The following CAD variants were observed in gnomAD, a reference collection of about 807,000 sequenced individuals.
CAD encodes multifunctional protein CAD.
Under a neutral mutation model 237.2 loss-of-function variants are expected in CAD, and 81 were observed. That is an observed-to-expected ratio of 0.34 (90% CI 0.29 to 0.41). The LOEUF is 0.41. CAD is among the 10% of genes least tolerant of loss of function. The pLI is 1.00. For synonymous variants in CAD, 1,196 were observed against 1,162.8 expected (o/e 1.03, Z -0.58); for missense variants, 2,181 against 2,951.7 (o/e 0.74, Z 6.05).
At position 27,236,764 on chromosome 2, in the gene CAD, G is replaced by A. The variant is rs753568935; in HGVS notation, c.4330G>A (p.Gly1444Arg). Residue 1444 changes from glycine to arginine, a missense_variant, in exon 27 of 44, where the codon GGG (glycine) becomes AGG (arginine). Around this residue, in one of 12 missense-constraint regions of CAD, gnomAD observed 306 missense variants for 607.9 expected, o/e 0.50. Transcript: ENST00000264705. This position sits in a 1 kb window ranked among gnomAD's most constrained non-coding sequence, Gnocchi z 4.1. Reference protein sequence around the residue: ...KLFVEALGQIGPAPPLKVHVD... With the variant: ...KLFVEALGQIRPAPPLKVHVD... The stretch of plus-strand genomic sequence containing the variant: ...CCACTTGCAGGCCCTAGGCCAGATC[G>A]GGCCAGCCCCTCCTTTGAAGGTGCA... 1.2e-6 allele frequency: 2 copies of A among 1,614,120 alleles called. No individual in the cohort carries two copies. Among genetic ancestry groups the A allele is most frequent in the Non-Finnish European group, 1.7e-6 (2 of 1,180,024 alleles).
In CAD at chr2:27,242,690, G is replaced by A; in HGVS notation, c.6293G>A (p.Arg2098His). ...CTGGCCTGCCTGCTCACCCAGTATC[G>A]TGTCAGCCTGCGCTACGTGGCACCT... Reference protein sequence around the residue: ...HSLACLLTQYRVSLRYVAPPS... With the variant: ...HSLACLLTQYHVSLRYVAPPS... Residue 2098 changes from arginine to histidine, a missense_variant, in exon 41 of 44, where the codon CGT becomes CAT. Arg to His is a conservative substitution (Grantham distance 29). This residue lies in a region of CAD where 170 missense variants were observed against 212.1 expected (regional missense o/e 0.80). Transcript: ENST00000264705. This position sits in a 1 kb window ranked among gnomAD's most constrained non-coding sequence, Gnocchi z 6.4. 7 of 1,614,066 alleles carry A rather than the reference G, an allele frequency of 4.3e-6. No homozygotes were observed. The highest frequency in any genetic ancestry group is 5.9e-6 in the Non-Finnish European group (7 of 1,179,946).
Position 27,239,745 on chromosome 2 carries a change from G to C in CAD, c.5443G>C (p.Gly1815Arg). 6.3e-7 allele frequency: 1 copy of C among 1,591,910 alleles called. No individual in the cohort carries two copies. The highest frequency in any genetic ancestry group is 8.6e-7 in the Non-Finnish European group (1 of 1,168,660). The change falls in exon 34 of 44, where the codon GGG becomes CGG. Residue 1815 changes from glycine (G) to arginine (R), a missense_variant. Coordinates refer to ENST00000264705, the MANE Select transcript of CAD (RefSeq NM_004341.5). The surrounding 1 kb of genome is among the most constrained non-coding windows in gnomAD (Gnocchi z 4.0). ...ACAGGATGTACGGAAGTGGCCACAGGGGGCTGTTCCTCAGCTCCCACCCTC... is the reference window on the plus strand; with the variant it reads ...ACAGGATGTACGGAAGTGGCCACAGCGGGCTGTTCCTCAGCTCCCACCCTC... ...YGQDVRKWPQGAVPQLPPSAP... is the reference protein window; with the variant it reads ...YGQDVRKWPQRAVPQLPPSAP...
Position 27,232,174 on chromosome 2 carries a change from G to A in CAD, c.2595G>A (p.Gln865=). The A allele has an allele frequency of 6.2e-7, 1 of 1,614,242 alleles. No individual in the cohort carries two copies. Among genetic ancestry groups the A allele is most frequent in the Non-Finnish European group, 8.5e-7 (1 of 1,180,050 alleles). The change falls in exon 17 of 44, where the codon CAG becomes CAA. Residue 865 remains glutamine, a synonymous_variant. Transcript: ENST00000264705. This position sits in a 1 kb window ranked among gnomAD's most constrained non-coding sequence, Gnocchi z 4.1. ...CTTTGCCGCCAGACCTGCTGCAACA[G>A]GCCAAGTGTCTTGGCTTCTCAGACA... ...GQPLPPDLLQ[Q]AKCLGFSDKQ... is the part of the protein sequence containing the mutation.
rs754681432 is a variant in CAD, at chr2:27,242,340, T to C, written c.6135T>C (p.Ala2045=). ...ACTGCCGGAGGCCAGTGATCAATGCTGGGGATGGGGTCGGAGAGCACCCCA... is the reference window on the plus strand; with the variant it reads ...ACTGCCGGAGGCCAGTGATCAATGCCGGGGATGGGGTCGGAGAGCACCCCA... ...AKHCRRPVIN[A]GDGVGEHPTQ... The change falls in exon 40 of 44, where the codon GCT becomes GCC. Residue 2045 remains alanine (A), a synonymous_variant. Coordinates refer to ENST00000264705, the MANE Select transcript of CAD (RefSeq NM_004341.5). This position sits in a 1 kb window ranked among gnomAD's most constrained non-coding sequence, Gnocchi z 6.4. 24 of 1,613,898 alleles carry C rather than the reference T, an allele frequency of 1.5e-5. No individual in the cohort carries two copies. The South Asian group carries it at 2.2e-4, about 15-fold the overall frequency.
At position 27,232,896 on chromosome 2, in the gene CAD, C is replaced by T. The variant is rs1427492954; in HGVS notation, c.2893-146C>T. ...CCCAACACTTTGTACCTCCTTCCCT[C>T]CCAAGGCAGGGGTCCTGTACAGCTC... On this transcript the variant is annotated intron_variant, in intron 18 of 43. Coordinates refer to ENST00000264705, the MANE Select transcript of CAD (RefSeq NM_004341.5). This position sits in a 1 kb window ranked among gnomAD's most constrained non-coding sequence, Gnocchi z 4.1. 11 of 785,850 alleles carry T rather than the reference C, an allele frequency of 1.4e-5. No homozygotes were observed. Among genetic ancestry groups the T allele is most frequent in the East Asian group, 2.6e-5 (1 of 38,800 alleles). 48.7% of individuals were successfully genotyped at this position (785,850 alleles called of 1,614,324 possible). A position where few individuals can be genotyped will look rare whatever the true frequency, so the allele number is the denominator to read the frequency against.
chr2:27,223,276 C>A (rs1438161806), intron 6 of CAD, among the ~76,000 whole-genome samples: 1 of 152,086 alleles, frequency 6.6e-6, no homozygotes, highest in East Asian at 1.9e-4. Flanking sequence ...ACTAAAAATA[C>A]AAAAGTTGGC....
Position 27,217,860 on chromosome 2 carries a change from C to G in CAD, c.83-17C>G, listed in dbSNP as rs777472477. Reference sequence around the variant, plus strand: ...AAGGGTGCCCTACCGGAGCCCAGCCCTGCTTCTTTCTTGCAGTGTTTCAAA... The same window carrying G: ...AAGGGTGCCCTACCGGAGCCCAGCCGTGCTTCTTTCTTGCAGTGTTTCAAA... On this transcript the variant is annotated splice_polypyrimidine_tract_variant and intron_variant, in intron 1 of 43. Coordinates refer to ENST00000264705, the MANE Select transcript of CAD (RefSeq NM_004341.5). 1.9e-6 allele frequency: 3 copies of G among 1,586,826 alleles called. No individual in the cohort carries two copies. Among genetic ancestry groups the G allele is most frequent in the Middle Eastern group, 1.7e-4 (1 of 5,928 alleles).
chr2:27,235,755 C>A lies in CAD; in HGVS notation c.4074+115C>A. The stretch of plus-strand genomic sequence containing the variant: ...TGGCATATACCTGTAGTCCCAGATA[C>A]TCAGGAGGCTAAGGCAGGAGAATCT... On this transcript the variant is annotated intron_variant, in intron 25 of 43. Coordinates refer to ENST00000264705, the MANE Select transcript of CAD (RefSeq NM_004341.5). This position sits in a 1 kb window ranked among gnomAD's most constrained non-coding sequence, Gnocchi z 5.2. 1 of 806,804 alleles carries A rather than the reference C, an allele frequency of 1.2e-6. No individual in the cohort carries two copies. The highest frequency in any genetic ancestry group is 2.0e-6 in the Non-Finnish European group (1 of 500,470). 50.0% of individuals were successfully genotyped at this position (806,804 alleles called of 1,614,324 possible). A position where few individuals can be genotyped will look rare whatever the true frequency, so the allele number is the denominator to read the frequency against.
intron 2 of CAD, among the ~76,000 whole-genome samples, chr2:27,220,941 G>A (rs1418197653): frequency 6.6e-6 from 1 of 152,116 alleles, no homozygotes; most frequent in African/African-American, 2.4e-5. Flanking sequence ...CTGGGTGACA[G>A]AGTGAGACTC....
rs1675915006 is a variant in CAD, at chr2:27,234,644, C to T, written c.3745C>T (p.Pro1249Ser). The part of the protein sequence containing the change: ...TRVIMGEEVE[P>S]VGLMTGSGVV... ...GGTCATCATGGGGGAAGAAGTGGAACCTGTGGGGCTAATGACTGGTTCTGG... is the reference window on the plus strand; with the variant it reads ...GGTCATCATGGGGGAAGAAGTGGAATCTGTGGGGCTAATGACTGGTTCTGG... Residue 1249 changes from proline to serine, a missense_variant, in exon 23 of 44, where the codon CCT (proline) becomes TCT (serine). By Grantham distance (74) the Pro-to-Ser change is moderately conservative. Around this residue, in one of 12 missense-constraint regions of CAD, gnomAD observed 306 missense variants for 607.9 expected, o/e 0.50. Coordinates refer to ENST00000264705, the MANE Select transcript of CAD (RefSeq NM_004341.5). 6.2e-7 allele frequency: 1 copy of T among 1,614,032 alleles called. No individual in the cohort carries two copies. The highest frequency in any genetic ancestry group is 8.5e-7 in the Non-Finnish European group (1 of 1,180,016).
Position 27,217,909 on chromosome 2 carries a change from G to T in CAD, c.115G>T (p.Ala39Ser). 1 of 1,610,284 alleles carries T rather than the reference G, an allele frequency of 6.2e-7. No individual in the cohort carries two copies. The highest frequency in any genetic ancestry group is 8.5e-7 in the Non-Finnish European group (1 of 1,178,444). ...FQTGMVGYPE[A>S]LTDPSYKAQI... ...AACCGGCATGGTCGGCTACCCCGAG[G>T]CCCTCACTGATCCCTCCTACAAGGC... is the stretch of plus-strand genomic sequence containing the variant. The change falls in exon 2 of 44, where the codon GCC becomes TCC. Residue 39 changes from alanine (A) to serine (S), a missense_variant. Around this residue, in one of 12 missense-constraint regions of CAD, gnomAD observed 314 missense variants for 339.4 expected, o/e 0.93. Transcript: ENST00000264705.
rs1675849621 is a variant in CAD, at chr2:27,233,258, T to C, written c.2992-54T>C. 4 of 1,546,604 alleles carry C rather than the reference T, an allele frequency of 2.6e-6. No homozygotes were observed. Among genetic ancestry groups the C allele is most frequent in the South Asian group, 1.1e-5 (1 of 89,446 alleles). On this transcript the variant is annotated intron_variant, in intron 19 of 43. Transcript: ENST00000264705. This position sits in a 1 kb window ranked among gnomAD's most constrained non-coding sequence, Gnocchi z 6.3. ...TGAGGGAAGCAGTGAGCAGGAAGGC[T>C]CAGATTCCTGCCCTCTTTTGCTGCC... is the stretch of plus-strand genomic sequence containing the variant.
At chr2:27,220,745 C>T (rs77171042) in intron 2 of CAD, among the ~76,000 whole-genome samples, 8,652 of 151,618 alleles carry the variant, frequency 0.057, 292 homozygotes, top group African/African-American at 0.087. Context: ...ATCACAAGGT[C>T]AGGAGATCTG....
rs1023004059 is a variant in CAD at position 27,233,221 on chromosome 2, C to G, written c.2991+81C>G. ...CTGGCTGACCTAAGATTCTTTGAAACTTGGTGGCGGCTGAGGGAAGCAGTG... is the reference window on the plus strand; with the variant it reads ...CTGGCTGACCTAAGATTCTTTGAAAGTTGGTGGCGGCTGAGGGAAGCAGTG... On this transcript the variant is annotated intron_variant, in intron 19 of 43. Coordinates refer to ENST00000264705, the MANE Select transcript of CAD (RefSeq NM_004341.5). The surrounding 1 kb of genome is among the most constrained non-coding windows in gnomAD (Gnocchi z 6.3). 1.3e-6 allele frequency: 2 copies of G among 1,516,716 alleles called. No individual in the cohort carries two copies. The highest frequency in any genetic ancestry group is 2.7e-5 in the African/African-American group (2 of 73,088). 94.0% of individuals were successfully genotyped at this position (1,516,716 alleles called of 1,614,324 possible).
At position 27,233,538 on chromosome 2, in the gene CAD, T is replaced by TGGGGG; in HGVS notation, c.3216+5_3216+6insGGGGG. 1.2e-6 allele frequency: 2 copies of TGGGGG among 1,614,088 alleles called. No individual in the cohort carries two copies. Among genetic ancestry groups the TGGGGG allele is most frequent in the Non-Finnish European group, 1.7e-6 (2 of 1,179,962 alleles). ...TGGAGGGAGCTCAGTGACCTCGAGG[T>TGGGGG]GGGCTGGGACCTGGTGGGTTACCCG... On this transcript the variant is annotated splice_region_variant and intron_variant, in intron 20 of 43. Coordinates refer to ENST00000264705, the MANE Select transcript of CAD (RefSeq NM_004341.5). This position sits in a 1 kb window ranked among gnomAD's most constrained non-coding sequence, Gnocchi z 6.3.
intron 43 of CAD, 42 bp from the exon 44 acceptor site, chr2:27,243,374 T>G: frequency 3.2e-6 from 5 of 1,584,352 alleles, no homozygotes; most frequent in Non-Finnish European, 4.3e-6. Context: ...ATCCATGGGC[T>G]GCACGATAAC....
intron 14 of CAD, 81 bp downstream of exon 14, chr2:27,226,730 A>C (rs868067497): frequency 1.0e-5 from 16 of 1,603,180 alleles, no homozygotes; most frequent in Middle Eastern, 3.4e-4. Flanking sequence ...GAATATGAAA[A>C]GGACATTGGC....
At chr2:27,220,512 T>C (rs1458117424) in intron 2 of CAD, among the ~76,000 whole-genome samples, 1 of 151,254 alleles carries the variant, frequency 6.6e-6, no homozygotes, top group Non-Finnish European at 1.5e-5. Flanking sequence ...TAGCCAGGTG[T>C]GATGATCCAC....
In CAD at chr2:27,222,663, G is replaced by A. The variant is rs764419730; in HGVS notation, c.637+3G>A. On this transcript the variant is annotated splice_donor_region_variant and intron_variant, in intron 5 of 43. Coordinates refer to ENST00000264705, the MANE Select transcript of CAD (RefSeq NM_004341.5). ...GGACCATGCACTAGACAGCCAAGGT[G>A]AGTAGCTGGGGCCTGTTCAGGGCCT... The A allele has an allele frequency of 1.8e-5, 29 of 1,612,280 alleles. No individual in the cohort carries two copies. The highest frequency in any genetic ancestry group is 2.4e-5 in the Non-Finnish European group (28 of 1,178,712).
Sources: gnomAD v4.1 joint callset for allele counts (sites outside exome capture counted in the v4.1 genomes callset) on GRCh38, gnomAD v4.1.1 for gene constraint, gnomAD v4.1.1 regional missense constraint, Gnocchi (gnomAD v3.1) non-coding constraint, MANE v1.5 for transcripts, NCBI Gene and HGNC (gene_info 2026-07-23, HGNC 2026-07-21) for gene names.